The following IFT122 variants were observed in gnomAD, a reference collection of about 807,000 sequenced individuals.
IFT122 encodes intraflagellar transport protein 122 homolog.
IFT122 carries 118 observed loss-of-function variants against 161.6 expected under a neutral mutation model. That is an observed-to-expected ratio of 0.73 (90% CI 0.63 to 0.85). The LOEUF is 0.85. Ranked by LOEUF, IFT122 falls within the 40% of genes least tolerant of loss-of-function variation. The probability of loss-of-function intolerance (pLI) is 0.00; values close to 1 mark genes in which losing one functional copy is unlikely to be tolerated. For missense variants in IFT122, 1,381 were observed against 1,579.6 expected (o/e 0.87, Z 2.13); for synonymous variants, 550 against 602.4 (o/e 0.91, Z 1.27).
At chr3:129,494,932 T>C (rs1382677403) in intron 17 of IFT122, among the ~76,000 whole-genome samples, 1 of 152,140 alleles carries the variant, frequency 6.6e-6, no homozygotes, top group East Asian at 1.9e-4. Context: ...ACCCAGAACC[T>C]AGTGGATGTT....
At chr3:129,488,206 T>G in intron 15 of IFT122, 51 bp from the exon 16 acceptor site, 1 of 1,613,392 alleles carries the variant, frequency 6.2e-7, no homozygotes, top group East Asian at 2.2e-5. Flanking sequence ...TCTGGTTCTT[T>G]CCATGGCTCT....
intron 1 of IFT122, 119 bp downstream of exon 1, chr3:129,440,490 C>T (rs967925695): frequency 1.8e-5 from 23 of 1,245,040 alleles, no homozygotes; most frequent in Non-Finnish European, 2.5e-5. Context: ...GGGCACTGAA[C>T]CCCGGCCTGG....
intron 24 of IFT122, 111 bp downstream of exon 24, chr3:129,512,523 C>G: frequency 2.4e-6 from 2 of 835,410 alleles, no homozygotes; most frequent in Non-Finnish European, 4.2e-6. Context: ...CAGCAACCCT[C>G]AGGGAAGACA....
chr3:129,515,824 G>A (rs906568704), intron 26 of IFT122, among the ~76,000 whole-genome samples: 1 of 152,178 alleles, frequency 6.6e-6, no homozygotes, highest in Admixed American at 6.5e-5. Flanking sequence ...ACCCACTCTG[G>A]GAACCTGGCG....
intron 1 of IFT122, among the ~76,000 whole-genome samples, chr3:129,446,064 C>G (rs1436703599): frequency 6.6e-6 from 1 of 152,088 alleles, no homozygotes; most frequent in African/African-American, 2.4e-5. Context: ...GTATACCTCT[C>G]TGGCATTAAC....
chr3:129,444,678 C>T (rs1221334035), intron 1 of IFT122, among the ~76,000 whole-genome samples: 1 of 152,092 alleles, frequency 6.6e-6, no homozygotes, highest in Non-Finnish European at 1.5e-5. Context: ...TGCACCACCA[C>T]GCCCAGCTAA....
At chr3:129,486,714 G>C (rs377535652) in intron 15 of IFT122, among the ~76,000 whole-genome samples, 11 of 152,198 alleles carry the variant, frequency 7.2e-5, no homozygotes, top group African/African-American at 2.7e-4. Flanking sequence ...ATACAGTGAA[G>C]GTAATGATCA....
At chr3:129,515,816 C>T (rs2083423922) in intron 26 of IFT122, among the ~76,000 whole-genome samples, 1 of 152,150 alleles carries the variant, frequency 6.6e-6, no homozygotes, top group African/African-American at 2.4e-5. Context: ...GCTGAAGCAC[C>T]CACTCTGGGA....
At chr3:129,479,700 C>A in intron 12 of IFT122, 85 bp from the exon 13 acceptor site, 2 of 1,538,910 alleles carry the variant, frequency 1.3e-6, no homozygotes, top group African/African-American at 1.4e-5. Context: ...TATTTTCTCC[C>A]CTTAGGGACA....
In IFT122 at chr3:129,473,667, G is replaced by A. The variant is rs139327046; in HGVS notation, c.817-2648G>A. 5.8e-4 allele frequency among the ~76,000 whole-genome samples: 88 copies of A among 152,330 alleles called. No individual in the cohort carries two copies. In the East Asian group the frequency reaches 0.016, roughly 27 times the overall value. ...TTTCCAGATATTCAGTGGAGTTTATGTGCAGAATTTAAGCTCTTACTTTGC... is the reference window on the plus strand; with the variant it reads ...TTTCCAGATATTCAGTGGAGTTTATATGCAGAATTTAAGCTCTTACTTTGC... On this transcript the variant is annotated intron_variant, in intron 9 of 29. Transcript: ENST00000348417.
At chr3:129,497,791 G>A (rs1373149632) in intron 18 of IFT122, among the ~76,000 whole-genome samples, 5 of 152,094 alleles carry the variant, frequency 3.3e-5, no homozygotes, top group Non-Finnish European at 7.4e-5. Flanking sequence ...CACATTATGT[G>A]GGGGGTGGGG....
chr3:129,463,645 A>G lies in IFT122; in HGVS notation c.416+19A>G, dbSNP rs1476240813. On this transcript the variant is annotated intron_variant, in intron 6 of 29. Transcript: ENST00000348417. Reference sequence around the variant, plus strand: ...GCTGCAGGTAAGTGCAGCTCTGACGATAAGATTTATGTTCCTTCATCTTCC... The same window carrying G: ...GCTGCAGGTAAGTGCAGCTCTGACGGTAAGATTTATGTTCCTTCATCTTCC... 1.9e-6 allele frequency: 3 copies of G among 1,591,732 alleles called. No homozygotes were observed. Among genetic ancestry groups the G allele is most frequent in the Non-Finnish European group, 1.7e-6 (2 of 1,160,046 alleles).
intron 13 of IFT122, 87 bp downstream of exon 13, chr3:129,480,009 C>A: frequency 6.5e-7 from 1 of 1,535,448 alleles, no homozygotes; most frequent in Non-Finnish European, 9.0e-7. Context: ...GAGCTGGGTT[C>A]TCAGGGCAGG....
Position 129,476,735 on chromosome 3 carries a change from G to A in IFT122, c.1081G>A (p.Asp361Asn). ...IFSTVHGLYKDRYAYRDSMTD... is the reference protein window; with the variant it reads ...IFSTVHGLYKNRYAYRDSMTD... ...CAGCACAGTCCATGGGCTTTACAAGGACCGCTATGCCTACAGGGATAGCAT... is the reference window on the plus strand; with the variant it reads ...CAGCACAGTCCATGGGCTTTACAAGAACCGCTATGCCTACAGGGATAGCAT... Residue 361 changes from aspartate to asparagine, a missense_variant, in exon 11 of 30, where the codon GAC becomes AAC. By Grantham distance (23) the Asp-to-Asn change is conservative (BLOSUM62 1). Transcript: ENST00000348417. 1.2e-6 allele frequency: 2 copies of A among 1,614,186 alleles called. No homozygotes were observed. Among genetic ancestry groups the A allele is most frequent in the Non-Finnish European group, 1.7e-6 (2 of 1,180,038 alleles).
intron 11 of IFT122, among the ~76,000 whole-genome samples, chr3:129,477,696 A>T (rs1380313670): frequency 6.6e-6 from 1 of 152,222 alleles, no homozygotes; most frequent in African/African-American, 2.4e-5. Context: ...TCAGTTACTT[A>T]GGCAGGCTTC....
chr3:129,450,919 T>A (rs958505358), intron 2 of IFT122, among the ~76,000 whole-genome samples: 48 of 151,784 alleles, frequency 3.2e-4, no homozygotes, highest in African/African-American at 1.2e-3. Flanking sequence ...ACGGGGTTTC[T>A]CCGTGTTAGC....
chr3:129,483,686 A>G lies in IFT122; in HGVS notation c.1851+4A>G. ...TTCTGCCGTGGAGGTGCCGCAGGTA[A>G]CTGGGGGTGCCTGTCCACTCTTAGC... On this transcript the variant is annotated splice_donor_region_variant and intron_variant, in intron 15 of 29. Coordinates refer to ENST00000348417, the MANE Select transcript of IFT122 (RefSeq NM_052989.3). 2 of 1,584,604 alleles carry G rather than the reference A, an allele frequency of 1.3e-6. No homozygotes were observed. Among genetic ancestry groups the G allele is most frequent in the Middle Eastern group, 3.3e-4 (2 of 6,028 alleles).
In IFT122 at chr3:129,483,484, G is replaced by A; in HGVS notation, c.1654-1G>A. On this transcript the variant is annotated splice_acceptor_variant, in intron 14 of 29. Coordinates refer to ENST00000348417, the MANE Select transcript of IFT122 (RefSeq NM_052989.3). LOFTEE classifies it high-confidence loss of function. The stretch of plus-strand genomic sequence containing the variant: ...GGATCCCCACTGTCCCTGTTCCCCA[G>A]GAACCAAACGCCAACAGTGTAGCTT... 6.2e-7 allele frequency: 1 copy of A among 1,613,900 alleles called. No individual in the cohort carries two copies. The highest frequency in any genetic ancestry group is 1.3e-5 in the African/African-American group (1 of 74,974).
At chr3:129,456,586 G>A (rs981349917) in intron 3 of IFT122, among the ~76,000 whole-genome samples, 7 of 152,104 alleles carry the variant, frequency 4.6e-5, no homozygotes, top group Non-Finnish European at 1.0e-4. Flanking sequence ...GCAGTGAGCT[G>A]AGATTATGCC....
Sources: allele counts gnomAD v4.1 joint callset (sites outside exome capture counted in the v4.1 genomes callset), GRCh38; gene constraint gnomAD v4.1.1; transcripts MANE v1.5; gene names NCBI Gene and HGNC (gene_info 2026-07-23, HGNC 2026-07-21).